The following DACH1 variants were observed in gnomAD, a reference collection of about 807,000 sequenced individuals.
The protein encoded by DACH1 is dachshund homolog 1.
In DACH1, 12 loss-of-function variants were observed where a neutral mutation model predicts 54.2. The observed-to-expected ratio is 0.22, with a 90% CI of 0.14 to 0.36. DACH1 has a LOEUF of 0.36. DACH1 is among the 10% of genes least tolerant of loss of function. The pLI, the probability that DACH1 is intolerant of heterozygous loss-of-function variation, is 1.00. For missense variants in DACH1, 805 were observed against 929.8 expected, an observed-to-expected ratio of 0.87 and a Z score of 1.75; for synonymous variants, 386 against 366.2, an observed-to-expected ratio of 1.05 and a Z score of -0.62.
chr13:71,506,825 A>C (rs1880371901), intron 6 of DACH1, among the ~76,000 whole-genome samples: 1 of 151,750 alleles, frequency 6.6e-6, no homozygotes, highest in Admixed American at 6.6e-5. Context: ...CTATTTAATA[A>C]ATGGTGCTGG....
At chr13:71,702,717 C>T (rs909014044) in intron 1 of DACH1, among the ~76,000 whole-genome samples, 3 of 152,002 alleles carry the variant, frequency 2.0e-5, no homozygotes. Context: ...AATGATGCTG[C>T]CAAATCGAGA....
At chr13:71,602,357 A>G (rs1438675056) in intron 3 of DACH1, among the ~76,000 whole-genome samples, 1 of 152,014 alleles carries the variant, frequency 6.6e-6, no homozygotes, top group Non-Finnish European at 1.5e-5. Flanking sequence ...GTTTTCTTTA[A>G]TTACAATAAA....
At chr13:71,613,401 G>C (rs1875487923) in intron 3 of DACH1, among the ~76,000 whole-genome samples, 1 of 152,160 alleles carries the variant, frequency 6.6e-6, no homozygotes, top group Non-Finnish European at 1.5e-5. Flanking sequence ...TTTATTATCA[G>C]TGCAATGAAA....
intron 1 of DACH1, among the ~76,000 whole-genome samples, chr13:71,803,375 G>T (rs1032371401): frequency 6.6e-6 from 1 of 152,146 alleles, no homozygotes; most frequent in South Asian, 2.1e-4. Context: ...GTTTAACTAG[G>T]ATAGTTACTA....
intron 6 of DACH1, among the ~76,000 whole-genome samples, chr13:71,536,726 T>C (rs1882829852): frequency 1.3e-5 from 2 of 152,100 alleles, no homozygotes; most frequent in African/African-American, 4.8e-5. Context: ...TTGACAAGGA[T>C]AGACTTCACA....
At chr13:71,668,731 C>A (rs1452635990) in intron 2 of DACH1, among the ~76,000 whole-genome samples, 1 of 151,952 alleles carries the variant, frequency 6.6e-6, no homozygotes, top group Non-Finnish European at 1.5e-5. Context: ...TCGAGACCAG[C>A]CTGGCCAACA....
chr13:71,489,084 A>C lies in DACH1; in HGVS notation c.1635T>G (p.His545Gln). The C allele has an allele frequency of 6.2e-7, 1 of 1,613,918 alleles. No individual in the cohort carries two copies. Among genetic ancestry groups the C allele is most frequent in the Non-Finnish European group, 8.5e-7 (1 of 1,179,870 alleles). ...DSLDKLSLTG[H>Q]GQPLPPGFPS... ...GAAAACCTGGAGGCAGTGGTTGTCC[A>C]TGCCCAGTTAGAGAGAGTTTGTCAA... The change falls in exon 7 of 11, where the codon CAT becomes CAG. Residue 545 changes from histidine (H) to glutamine (Q), a missense_variant. Physicochemically the swap from His to Gln is conservative, Grantham distance 24. Transcript: ENST00000613252.
intron 2 of DACH1, among the ~76,000 whole-genome samples, chr13:71,680,253 A>G (rs959299098): frequency 6.6e-6 from 1 of 152,202 alleles, no homozygotes; most frequent in African/African-American, 2.4e-5. Context: ...TCAATTTTTC[A>G]TGCATGAAAT....
intron 6 of DACH1, among the ~76,000 whole-genome samples, chr13:71,518,107 G>T (rs1881296349): frequency 6.6e-6 from 1 of 151,794 alleles, no homozygotes; most frequent in African/African-American, 2.4e-5. Flanking sequence ...ACTGAAATAT[G>T]TCCCTTCAAA....
At chr13:71,506,827 T>C (rs1229311820) in intron 6 of DACH1, among the ~76,000 whole-genome samples, 2 of 151,608 alleles carry the variant, frequency 1.3e-5, no homozygotes, top group African/African-American at 4.8e-5. Flanking sequence ...ATTTAATAAA[T>C]GGTGCTGGGA....
At chr13:71,557,205 C>T (rs1158741894) in intron 5 of DACH1, 47 bp from the exon 6 acceptor site, 2 of 1,550,442 alleles carry the variant, frequency 1.3e-6, no homozygotes, top group Admixed American at 3.9e-5. Flanking sequence ...ACAAAAACAC[C>T]ATAACACACA....
At chr13:71,647,320 T>C (rs1303497540) in intron 2 of DACH1, among the ~76,000 whole-genome samples, 1 of 152,184 alleles carries the variant, frequency 6.6e-6, no homozygotes, top group African/African-American at 2.4e-5. Context: ...CCAGTCCTTG[T>C]ACAAAGAGTT....
intron 3 of DACH1, among the ~76,000 whole-genome samples, chr13:71,588,830 T>C (rs1873472395): frequency 6.6e-6 from 1 of 151,990 alleles, no homozygotes; most frequent in African/African-American, 2.4e-5. Context: ...TTCTTTAATT[T>C]TTTCTATAGT....
chr13:71,778,248 T>C (rs9592802), intron 1 of DACH1, among the ~76,000 whole-genome samples: 48,740 of 151,910 alleles, frequency 0.32, 8,529 homozygotes, highest in African/African-American at 0.44. Flanking sequence ...ACTCAGTCGG[T>C]GATATTCAGA....
At chr13:71,619,984 T>C (rs910608430) in intron 3 of DACH1, among the ~76,000 whole-genome samples, 6 of 151,946 alleles carry the variant, frequency 3.9e-5, no homozygotes, top group Non-Finnish European at 7.4e-5. Context: ...AAACTAAACA[T>C]GTGCCTGTGT....
intron 10 of DACH1, among the ~76,000 whole-genome samples, chr13:71,471,345 A>C (rs1268500857): frequency 1.3e-5 from 2 of 152,022 alleles, no homozygotes; most frequent in African/African-American, 4.8e-5. Context: ...CGTTTTGTGC[A>C]CTGAACTTTT....
At chr13:71,617,388 C>G (rs865981531) in intron 3 of DACH1, among the ~76,000 whole-genome samples, 6 of 152,032 alleles carry the variant, frequency 3.9e-5, no homozygotes, top group Non-Finnish European at 7.4e-5. Flanking sequence ...AATCAGAATT[C>G]CTGGTTATTG....
intron 10 of DACH1, among the ~76,000 whole-genome samples, chr13:71,464,922 G>C (rs926998430): frequency 6.6e-6 from 1 of 151,896 alleles, no homozygotes; most frequent in African/African-American, 2.4e-5. Flanking sequence ...TTCAACTACT[G>C]GAAAAGCAAT....
chr13:71,467,674 C>CA (rs1158762501), intron 10 of DACH1, among the ~76,000 whole-genome samples: 1 of 151,952 alleles, frequency 6.6e-6, no homozygotes, highest in Non-Finnish European at 1.5e-5. Flanking sequence ...AACTATAGAA[C>CA]AATAGTCCGT....
Sources: gnomAD v4.1 joint callset for allele counts (sites outside exome capture counted in the v4.1 genomes callset) on GRCh38, gnomAD v4.1.1 for gene constraint, MANE v1.5 for transcripts, NCBI Gene and HGNC (gene_info 2026-07-23, HGNC 2026-07-21) for gene names.